PPP2R2B: variants seen among roughly 807,000 people sequenced by gnomAD.
PPP2R2B encodes protein phosphatase 2 regulatory subunit Bbeta.
In PPP2R2B, 5 loss-of-function variants were observed where a neutral mutation model predicts 46.0. The observed-to-expected ratio is 0.11, with a 90% confidence interval of 0.06 to 0.23. The LOEUF is 0.23. Among genes scored for constraint, PPP2R2B ranks in the 10% least tolerant of loss-of-function variants. The pLI, the probability that PPP2R2B is intolerant of heterozygous loss-of-function variation, is 1.00. For missense variants in PPP2R2B, 367 were observed against 575.0 expected, an observed-to-expected ratio of 0.64 and a Z score of 3.70; for synonymous variants, 215 against 206.7, an observed-to-expected ratio of 1.04 and a Z score of -0.34.
At chr5:147,056,459 C>G (rs1304351137), upstream of PPP2R2B, among the ~76,000 whole-genome samples, 1 of 152,176 alleles carries the variant, frequency 6.6e-6, no homozygotes, top group Admixed American at 6.5e-5. Flanking sequence ...CCTCTTTCTT[C>G]CCCTGCCAGC....
chr5:146,957,436 G>C (rs1751963164), intron 1 of PPP2R2B, among the ~76,000 whole-genome samples: 1 of 152,216 alleles, frequency 6.6e-6, no homozygotes, highest in African/African-American at 2.4e-5. Flanking sequence ...AGCTGCAAGA[G>C]GTGGGGGCAC....
intron 2 of PPP2R2B, among the ~76,000 whole-genome samples, chr5:146,732,466 C>T (rs763087574): frequency 4.6e-5 from 7 of 152,144 alleles, no homozygotes; most frequent in Non-Finnish European, 1.0e-4. Context: ...GGAATTTCCA[C>T]AGTGACTATG....
intron 2 of PPP2R2B, among the ~76,000 whole-genome samples, chr5:146,725,909 C>G (rs560697259): frequency 6.6e-6 from 1 of 152,268 alleles, no homozygotes; most frequent in Admixed American, 6.5e-5. Flanking sequence ...ACATGGGAAG[C>G]TGAAAATTAT....
intron 2 of PPP2R2B, among the ~76,000 whole-genome samples, chr5:146,823,317 C>T (rs761406153): frequency 5.8e-4 from 88 of 152,276 alleles, no homozygotes; most frequent in East Asian, 2.1e-3. Context: ...CCTGCCTCAG[C>T]CTCCTGAGTA....
At chr5:146,647,576 G>T (rs1349613435) in intron 6 of PPP2R2B, among the ~76,000 whole-genome samples, 1 of 152,156 alleles carries the variant, frequency 6.6e-6, no homozygotes, top group Non-Finnish European at 1.5e-5. Flanking sequence ...CCAGCATCTG[G>T]CAGTCTGTCA....
intron 1 of PPP2R2B, among the ~76,000 whole-genome samples, chr5:146,921,726 CTG>C (rs1763615012): frequency 6.6e-6 from 1 of 152,110 alleles, no homozygotes; most frequent in Middle Eastern, 3.2e-3. Context: ...CAGTTCATCT[CTG>C]TTTCTCTTCT....
At chr5:146,646,243 T>C (rs1775572610) in intron 6 of PPP2R2B, among the ~76,000 whole-genome samples, 1 of 152,222 alleles carries the variant, frequency 6.6e-6, no homozygotes, top group African/African-American at 2.4e-5. Flanking sequence ...GATATGGGCC[T>C]ATTTAATAGA....
intron 7 of PPP2R2B, among the ~76,000 whole-genome samples, chr5:146,636,986 G>T (rs1036649600): frequency 6.6e-6 from 1 of 152,072 alleles, no homozygotes; most frequent in African/African-American, 2.4e-5. Flanking sequence ...TCCCTGTGAG[G>T]TCTGTTTCAA....
intron 5 of PPP2R2B, among the ~76,000 whole-genome samples, chr5:146,690,328 G>A (rs143138464): frequency 8.5e-5 from 13 of 152,290 alleles, no homozygotes; most frequent in Admixed American, 3.3e-4. Flanking sequence ...TGAGAAATCC[G>A]TTTTTAATGC....
At chr5:146,861,047 ATTTTTTCTT>A (rs1322393536) in intron 2 of PPP2R2B, among the ~76,000 whole-genome samples, 4 of 132,200 alleles carry the variant, frequency 3.0e-5, no homozygotes, top group African/African-American at 8.9e-5. Context: ...TTCAAACTGA[ATTTTTTCTT>A]TTTTTTTTTT....
intron 2 of PPP2R2B, among the ~76,000 whole-genome samples, chr5:147,073,951 G>A (rs1757680850): frequency 6.6e-6 from 1 of 151,722 alleles, no homozygotes; most frequent in South Asian, 2.1e-4. Context: ...CAGGAGAACT[G>A]CTTGAACCTG....
intron 1 of PPP2R2B, among the ~76,000 whole-genome samples, chr5:146,955,761 CTTCT>C (rs371835457): frequency 5.3e-4 from 77 of 146,080 alleles, no homozygotes; most frequent in African/African-American, 1.5e-3. Flanking sequence ...TAACAATAGT[CTTCT>C]TTCTATTACT....
At chr5:146,802,577 GC>G (rs1756928383) in intron 2 of PPP2R2B, among the ~76,000 whole-genome samples, 1 of 152,170 alleles carries the variant, frequency 6.6e-6, no homozygotes, top group African/African-American at 2.4e-5. Flanking sequence ...CCCAGGTGAT[GC>G]AAATAGGCAC....
intron 7 of PPP2R2B, among the ~76,000 whole-genome samples, chr5:146,609,764 C>T (rs1355263420): frequency 4.3e-5 from 6 of 139,172 alleles, no homozygotes; most frequent in African/African-American, 1.7e-4. Context: ...CACTCCCACC[C>T]GAATATTGCG....
chr5:146,883,322 T>C (rs1762227860), upstream of PPP2R2B, among the ~76,000 whole-genome samples: 1 of 152,216 alleles, frequency 6.6e-6, no homozygotes, highest in Admixed American at 6.5e-5. Flanking sequence ...TTCACTAAAA[T>C]GACCCTTCTT....
At position 146,582,462 on chromosome 5, in the gene PPP2R2B, C is replaced by T. The variant is rs1769939038; in HGVS notation, c.*7485G>A. On this transcript the variant is annotated 3_prime_UTR_variant, in exon 10 of 10. Transcript: ENST00000394411. ...GGCAGGGACACATATGCTCTATTAA[C>T]TAACACTGCAATCTAAGCTTGATCA... 1 of 152,204 alleles carries T rather than the reference C, an allele frequency of 6.6e-6. No homozygotes were observed. Among genetic ancestry groups the T allele is most frequent in the South Asian group, 2.1e-4 (1 of 4,830 alleles). The allele number at this position is 152,204 out of a possible 1,614,324, so 9.4% of individuals were successfully genotyped here.
intron 1 of PPP2R2B, among the ~76,000 whole-genome samples, chr5:146,998,031 C>A (rs911387067): frequency 6.6e-6 from 1 of 152,140 alleles, no homozygotes; most frequent in Non-Finnish European, 1.5e-5. Flanking sequence ...TCTCTGCCTC[C>A]CACTCCTTCT....
chr5:146,820,473 G>A (rs924172416), intron 2 of PPP2R2B, among the ~76,000 whole-genome samples: 8 of 152,098 alleles, frequency 5.3e-5, no homozygotes, highest in South Asian at 2.1e-4. Flanking sequence ...TAGTTTCCCA[G>A]GGGCAGAAAA....
chr5:147,079,732 A>G (rs1757918181), intron 2 of PPP2R2B, among the ~76,000 whole-genome samples: 1 of 151,872 alleles, frequency 6.6e-6, no homozygotes, highest in Non-Finnish European at 1.5e-5. Context: ...AATAAGTATA[A>G]AGTCATAGAT....
Sources: allele counts gnomAD v4.1 joint callset (sites outside exome capture counted in the v4.1 genomes callset), GRCh38; gene constraint gnomAD v4.1.1; transcripts MANE v1.5; gene names NCBI Gene and HGNC (gene_info 2026-07-23, HGNC 2026-07-21).